MYOM2: variants seen among roughly 807,000 people sequenced by gnomAD.
The protein encoded by MYOM2 is myomesin 2.
In MYOM2, 254 loss-of-function variants were observed where a neutral mutation model predicts 187.6. The observed-to-expected ratio is 1.35, with a 90% CI of 1.22 to 1.50. The LOEUF is 1.50. Among genes scored for constraint, MYOM2 ranks in the 40% most tolerant of loss-of-function variants. The pLI, the probability that MYOM2 is intolerant of heterozygous loss-of-function variation, is 0.00. For synonymous variants in MYOM2, 981 were observed against 753.8 expected, an observed-to-expected ratio of 1.30 and a Z score of -4.94; for missense variants, 2,796 against 1,924.0, an observed-to-expected ratio of 1.45 and a Z score of -8.48.
intron 6 of MYOM2, among the ~76,000 whole-genome samples, chr8:2,068,170 G>A (rs1819081148): frequency 6.6e-6 from 1 of 152,000 alleles, no homozygotes; most frequent in Admixed American, 6.6e-5. Flanking sequence ...GCTCTTCAAT[G>A]CCTGTGCACA....
chr8:2,053,586 A>G (rs1822036), intron 3 of MYOM2, among the ~76,000 whole-genome samples: 55,423 of 152,152 alleles, frequency 0.36, 10,972 homozygotes, highest in East Asian at 0.66. Flanking sequence ...TTTGGCAGCA[A>G]TGACTTTCAA....
At chr8:2,065,327 T>C (rs186041485) in intron 6 of MYOM2, among the ~76,000 whole-genome samples, 127 of 152,214 alleles carry the variant, frequency 8.3e-4, no homozygotes, top group Middle Eastern at 3.4e-3. Flanking sequence ...TCCCAGCATG[T>C]TGGGAGGCCG....
chr8:2,062,529 C>T (rs1424243220), intron 6 of MYOM2, among the ~76,000 whole-genome samples: 3 of 152,180 alleles, frequency 2.0e-5, no homozygotes, highest in Non-Finnish European at 2.9e-5. Context: ...GTGGCCATCA[C>T]AGCGGGGTAG....
chr8:2,075,941 G>A (rs551786130), intron 10 of MYOM2, among the ~76,000 whole-genome samples, 200 bp from the exon 11 acceptor site: 56 of 152,340 alleles, frequency 3.7e-4, no homozygotes, highest in African/African-American at 1.2e-3. Context: ...ATGTTTTGAA[G>A]CTTTTTAATT....
At chr8:2,051,028 C>A (rs1024659318) in intron 2 of MYOM2, among the ~76,000 whole-genome samples, 155 bp downstream of exon 2, 1 of 152,024 alleles carries the variant, frequency 6.6e-6, no homozygotes, top group African/African-American at 2.4e-5. Flanking sequence ...GGTCCTGCCA[C>A]GGAGCAGCAC....
At chr8:2,062,689 A>T (rs1818891239) in intron 6 of MYOM2, among the ~76,000 whole-genome samples, 1 of 152,108 alleles carries the variant, frequency 6.6e-6, no homozygotes, top group South Asian at 2.1e-4. Context: ...GTCTAGAAAG[A>T]GACCACCTGC....
intron 15 of MYOM2, among the ~76,000 whole-genome samples, chr8:2,090,645 C>T (rs899811717): frequency 2.6e-5 from 4 of 152,060 alleles, no homozygotes; most frequent in Admixed American, 2.6e-4. Flanking sequence ...CTGATAGTCC[C>T]CCGTGTGTAT....
At chr8:2,052,516 A>G (rs1249362153) in intron 3 of MYOM2, among the ~76,000 whole-genome samples, 1 of 152,206 alleles carries the variant, frequency 6.6e-6, no homozygotes, top group Non-Finnish European at 1.5e-5. Context: ...TCTGAACAAG[A>G]AAACTACTGG....
intron 13 of MYOM2, chr8:2,085,043 C>A: frequency 5.7e-6 from 3 of 525,200 alleles, no homozygotes; most frequent in Non-Finnish European, 1.0e-5. Context: ...TTCCTATGAA[C>A]AGGCTTATAT....
At chr8:2,055,131 T>TAACCAAGTACCTGGATACTGGGGG (rs1563415004) in intron 3 of MYOM2, among the ~76,000 whole-genome samples, 9 of 22,198 alleles carry the variant, frequency 4.1e-4, no homozygotes, top group Non-Finnish European at 6.5e-4. Context: ...GATACTGGGG[T>TAACCAAGTACCTGGATACTGGGGG]AACCAAGTAC....
chr8:2,138,667 A>G (rs1020559633), intron 32 of MYOM2, among the ~76,000 whole-genome samples: 1 of 152,200 alleles, frequency 6.6e-6, no homozygotes, highest in Non-Finnish European at 1.5e-5. Context: ...CATCGGCAAC[A>G]GGTGAGGCCA....
intron 35 of MYOM2, 149 bp from the exon 36 acceptor site, chr8:2,143,252 C>A: frequency 3.4e-6 from 3 of 877,366 alleles, no homozygotes; most frequent in Non-Finnish European, 5.6e-6. Context: ...CAACTGTAAA[C>A]ATATAAACCT....
At chr8:2,085,462 CCCACCGCTGTCGTGAT>C (rs1819792556) in intron 14 of MYOM2, 72 bp downstream of exon 14, 4 of 1,540,244 alleles carry the variant, frequency 2.6e-6, no homozygotes, top group Admixed American at 1.9e-5. Context: ...CTCTGCGTGG[CCCACCGCTGTCGTGAT>C]CTCCGCGTGG....
intron 25 of MYOM2, among the ~76,000 whole-genome samples, chr8:2,110,782 C>A (rs1015747369): frequency 4.6e-5 from 7 of 152,188 alleles, no homozygotes; most frequent in Non-Finnish European, 8.8e-5. Flanking sequence ...TGCAGTCCAG[C>A]CTTTGTGTCT....
chr8:2,080,732 G>A (rs1293546843), intron 13 of MYOM2, among the ~76,000 whole-genome samples: 1 of 152,210 alleles, frequency 6.6e-6, no homozygotes, highest in African/African-American at 2.4e-5. Flanking sequence ...ATATTTGAAT[G>A]ACTGAAAAAT....
Position 2,057,812 on chromosome 8 carries a change from G to A in MYOM2, c.560+32G>A. On this transcript the variant is annotated intron_variant, in intron 5 of 36. Coordinates refer to ENST00000262113, the MANE Select transcript of MYOM2 (RefSeq NM_003970.4). ...GGCTCTGTTCCCAGGGGGTGAAGAA[G>A]TCCATTCTGCGTTTTCTTTCAGAAA... 3 of 1,601,312 alleles carry A rather than the reference G, an allele frequency of 1.9e-6. 1 individual carries two copies. The South Asian group carries it at 3.3e-5, about 18-fold the overall frequency.
chr8:2,090,092 G>A lies in MYOM2; in HGVS notation c.1729G>A (p.Glu577Lys), dbSNP rs1305124482. Residue 577 changes from glutamate (E) to lysine (K), a missense_variant, in exon 15 of 37, where the codon GAA becomes AAA. Coordinates refer to ENST00000262113, the MANE Select transcript of MYOM2 (RefSeq NM_003970.4). Reference sequence around the variant, plus strand: ...GAGATATGCCGTGTTTGACCTCATGGAAGGGAAGTCTTATGTGTTCCGAGT... The same window carrying A: ...GAGATATGCCGTGTTTGACCTCATGAAAGGGAAGTCTTATGTGTTCCGAGT... ...SPRYAVFDLMEGKSYVFRVLS... is the reference protein window; with the variant it reads ...SPRYAVFDLMKGKSYVFRVLS... 1 of 1,613,974 alleles carries A rather than the reference G, an allele frequency of 6.2e-7. No individual in the cohort carries two copies. The highest frequency in any genetic ancestry group is 8.5e-7 in the Non-Finnish European group (1 of 1,180,032).
intron 3 of MYOM2, among the ~76,000 whole-genome samples, chr8:2,056,682 G>A (rs1818677125): frequency 6.6e-6 from 1 of 152,082 alleles, no homozygotes; most frequent in African/African-American, 2.4e-5. Context: ...GAAAATAAAT[G>A]GCTTTTATTT....
At chr8:2,132,689 G>C (rs1366974062) in intron 32 of MYOM2, among the ~76,000 whole-genome samples, 2 of 152,120 alleles carry the variant, frequency 1.3e-5, no homozygotes, top group East Asian at 3.9e-4. Context: ...TGGGATCAAG[G>C]AATCCTCTTG....
Sources: gnomAD v4.1 joint callset for allele counts (sites outside exome capture counted in the v4.1 genomes callset) on GRCh38, gnomAD v4.1.1 for gene constraint, MANE v1.5 for transcripts, NCBI Gene and HGNC (gene_info 2026-07-23, HGNC 2026-07-21) for gene names.